ALG13: variants seen among roughly 807,000 people sequenced by gnomAD.
The protein encoded by ALG13 is UDP-N-acetylglucosamine transferase subunit ALG13.
In ALG13, 11 loss-of-function variants were observed where a neutral mutation model predicts 87.8. The ratio of observed to expected loss-of-function variants is 0.13; its 90% confidence interval spans 0.08 to 0.21. The LOEUF (loss-of-function observed/expected upper bound fraction) is 0.21, where lower values mean the gene tolerates loss of function less well. Among genes scored for constraint, ALG13 ranks in the 10% least tolerant of loss-of-function variants. ALG13 has a pLI of 1.00. For missense variants in ALG13, 756 were observed against 866.1 expected (o/e 0.87, Z 1.60); for synonymous variants, 320 against 306.3 (o/e 1.04, Z -0.47).
At chrX:111,724,885 G>C in intron 14 of ALG13, 49 bp from the exon 15 acceptor site, 2 of 1,184,641 alleles carry the variant, frequency 1.7e-6, no homozygotes, top group Non-Finnish European at 2.3e-6. Flanking sequence ...TTGAATGAAA[G>C]TTAAGTCTGT....
intron 3 of ALG13, among the ~76,000 whole-genome samples, chrX:111,687,034 C>G (rs1935133545): frequency 9.0e-6 from 1 of 111,297 alleles, no homozygotes; most frequent in African/African-American, 3.3e-5. Context: ...CTCGGCTCAC[C>G]TCAACCTCCA....
chrX:111,699,218 T>A (rs1469730185), intron 3 of ALG13, among the ~76,000 whole-genome samples: 1 of 111,506 alleles, frequency 9.0e-6, no homozygotes, highest in Non-Finnish European at 1.9e-5. Context: ...TTCTTGCTTG[T>A]TGAGTTGTTT....
Position 111,718,254 on chromosome X carries a change from C to T in ALG13, c.1230C>T (p.Tyr410=). ...VTGSEDAHTD[Y]KSSNQNRMEE... Reference sequence around the variant, plus strand: ...GAAGCGAGGATGCCCATACTGATTACAAGAGTTCAAATCAGAATAGGTAAT... The same window carrying T: ...GAAGCGAGGATGCCCATACTGATTATAAGAGTTCAAATCAGAATAGGTAAT... Residue 410 remains tyrosine, a synonymous_variant, in exon 10 of 27, where the codon TAC becomes TAT. Coordinates refer to ENST00000394780, the MANE Select transcript of ALG13 (RefSeq NM_001099922.3). 3 of 1,192,301 alleles carry T rather than the reference C, an allele frequency of 2.5e-6. No individual in the cohort carries two copies. Among genetic ancestry groups the T allele is most frequent in the East Asian group, 3.0e-5 (1 of 33,405 alleles).
intron 12 of ALG13, 117 bp from the exon 13 acceptor site, chrX:111,722,676 T>A: frequency 2.1e-6 from 1 of 485,446 alleles, no homozygotes; most frequent in Non-Finnish European, 3.5e-6. Context: ...TTACCCCTAT[T>A]TTCACTTATA....
intron 5 of ALG13, among the ~76,000 whole-genome samples, chrX:111,709,273 C>A (rs1224406779): frequency 8.9e-6 from 1 of 111,901 alleles, no homozygotes; most frequent in Non-Finnish European, 1.9e-5. Flanking sequence ...TACATTTTCC[C>A]ACTACTTACC....
chrX:111,717,149 T>G (rs1207985180), intron 8 of ALG13: 1 of 110,800 alleles, frequency 9.0e-6, no homozygotes. Context: ...GGAACAGTTA[T>G]ATAAACAAAT....
chrX:111,733,978 C>T (rs1325588509), intron 21 of ALG13, among the ~76,000 whole-genome samples: 1 of 111,751 alleles, frequency 8.9e-6, no homozygotes, highest in East Asian at 2.8e-4. Context: ...TATTCATGTC[C>T]TTAGCTCACT....
intron 21 of ALG13, among the ~76,000 whole-genome samples, chrX:111,731,099 A>G (rs1942633026): frequency 8.9e-6 from 1 of 112,183 alleles, no homozygotes; most frequent in South Asian, 3.7e-4. Context: ...AAACATGTTA[A>G]CAGCGCTAAG....
chrX:111,731,686 A>G (rs1942704034), intron 21 of ALG13, among the ~76,000 whole-genome samples: 1 of 112,147 alleles, frequency 8.9e-6, no homozygotes, highest in Non-Finnish European at 1.9e-5. Flanking sequence ...AGATTAATTT[A>G]TTCTGCTTCT....
At chrX:111,738,645 C>T (rs1182584213) in intron 23 of ALG13, among the ~76,000 whole-genome samples, 1 of 111,006 alleles carries the variant, frequency 9.0e-6, no homozygotes, top group African/African-American at 3.3e-5. Context: ...TTCAAGCAGT[C>T]CTGCTGCCTC....
intron 7 of ALG13, 26 bp downstream of exon 7, chrX:111,712,556 G>A (rs1319641414): frequency 1.7e-5 from 17 of 1,017,766 alleles, no homozygotes; most frequent in Non-Finnish European, 2.0e-5. Flanking sequence ...TTTTCTTTGA[G>A]AGTGGGTATG....
At chrX:111,744,929 G>A in intron 24 of ALG13, 25 bp downstream of exon 24, 3 of 1,117,953 alleles carry the variant, frequency 2.7e-6, no homozygotes, top group Non-Finnish European at 3.7e-6. Context: ...AGACTTAGGT[G>A]AGGGATCTGA....
intron 21 of ALG13, among the ~76,000 whole-genome samples, chrX:111,732,832 C>G (rs762818800): frequency 3.6e-5 from 4 of 111,308 alleles, no homozygotes; most frequent in Non-Finnish European, 7.5e-5. Flanking sequence ...AAGTTTTTTC[C>G]CCCATTTCCT....
chrX:111,727,078 T>C, intron 16 of ALG13, 23 bp downstream of exon 16: 5 of 1,208,720 alleles, frequency 4.1e-6, no homozygotes, highest in Non-Finnish European at 5.6e-6. Context: ...CAGATTTGTA[T>C]TTTCATGGTC....
At chrX:111,723,426 G>C (rs191584252) in intron 13 of ALG13, among the ~76,000 whole-genome samples, 51 of 110,611 alleles carry the variant, frequency 4.6e-4, no homozygotes, top group African/African-American at 1.6e-3. Flanking sequence ...GTGTGAGCCA[G>C]TGCACCTGGA....
At chrX:111,705,051 T>C (rs780700660) in intron 3 of ALG13, among the ~76,000 whole-genome samples, 1 of 112,021 alleles carries the variant, frequency 8.9e-6, no homozygotes, top group Non-Finnish European at 1.9e-5. Context: ...CCTTTTGGCA[T>C]ATTTCATATA....
Position 111,681,287 on chromosome X carries a change from C to T in ALG13, c.69C>T (p.Pro23=), listed in dbSNP as rs775248745. The change falls in exon 1 of 27, where the codon CCC becomes CCT. Residue 23 remains proline, a synonymous_variant. Transcript: ENST00000394780. ...FDDLIACVSA[P]DSLQKIESLG... ...ACCTCATTGCGTGTGTGTCGGCGCC[C>T]GACAGTCTGCAAGTGAGTGAGGGAG... 1.7e-6 allele frequency: 2 copies of T among 1,210,912 alleles called. No homozygotes were observed. The highest frequency in any genetic ancestry group is 1.1e-6 in the Non-Finnish European group (1 of 895,312).
rs746349019 is a variant in ALG13 at position 111,721,733 on chromosome X, A to G, written c.1435+22A>G. The stretch of plus-strand genomic sequence containing the variant: ...AAAGGTAAAGAAATATCAACAGGAT[A>G]CTTTTGAATCCTGACAAATCCAGGA... On this transcript the variant is annotated intron_variant, in intron 12 of 26. Transcript: ENST00000394780. 3.9e-6 allele frequency: 4 copies of G among 1,036,601 alleles called. No homozygotes were observed. In the South Asian group the frequency reaches 8.0e-5, roughly 21 times the overall value. The allele number at this position is 1,036,601 out of a possible 1,213,427, so 85.4% of individuals were successfully genotyped here.
chrX:111,686,201 T>A, intron 3 of ALG13: 4 of 1,058,420 alleles, frequency 3.8e-6, no homozygotes, highest in Non-Finnish European at 4.9e-6. Flanking sequence ...TGTTTGACTT[T>A]AAAACCTATC....
Sources: gnomAD v4.1 joint callset for allele counts (sites outside exome capture counted in the v4.1 genomes callset) on GRCh38, gnomAD v4.1.1 for gene constraint, MANE v1.5 for transcripts, NCBI Gene and HGNC (gene_info 2026-07-23, HGNC 2026-07-21) for gene names.